Variants in WDFY2 observed in about 807,000 individuals in gnomAD.
WDFY2 encodes WD repeat and FYVE domain-containing protein 2.
WDFY2 carries 36 observed loss-of-function variants against 56.4 expected under a neutral mutation model. The ratio of observed to expected loss-of-function variants is 0.64; its 90% CI spans 0.49 to 0.84. The LOEUF is 0.84. Ranked by LOEUF, WDFY2 falls within the 40% of genes least tolerant of loss-of-function variation. The probability of loss-of-function intolerance (pLI) is 0.00; values close to 1 mark genes in which losing one functional copy is unlikely to be tolerated. For missense variants in WDFY2, 444 were observed against 512.2 expected (o/e 0.87, Z 1.29); for synonymous variants, 176 against 183.7 (o/e 0.96, Z 0.34).
chr13:51,684,831 T>G (rs1956035821), intron 3 of WDFY2, among the ~76,000 whole-genome samples: 1 of 152,142 alleles, frequency 6.6e-6, no homozygotes, highest in South Asian at 2.1e-4. Context: ...CAGGTTTACT[T>G]GGATTGTTGC....
At chr13:51,590,558 C>G in intron 1 of WDFY2, 1 of 152,160 alleles carries the variant, frequency 6.6e-6, no homozygotes, top group East Asian at 1.9e-4. Flanking sequence ...AAGACTACTG[C>G]AGGTGGTGAT....
chr13:51,643,794 C>A (rs1411456285), intron 1 of WDFY2, among the ~76,000 whole-genome samples: 2 of 151,822 alleles, frequency 1.3e-5, no homozygotes, highest in Admixed American at 6.6e-5. Flanking sequence ...TTTCTTTTTT[C>A]TTTTTTTCCC....
intron 3 of WDFY2, among the ~76,000 whole-genome samples, chr13:51,694,573 C>A (rs1434014024): frequency 6.6e-6 from 1 of 152,188 alleles, no homozygotes; most frequent in Non-Finnish European, 1.5e-5. Flanking sequence ...ATGGGCTTCC[C>A]TTTGTGGGTA....
chr13:51,649,289 G>A (rs1211567277), intron 1 of WDFY2, among the ~76,000 whole-genome samples: 4 of 152,190 alleles, frequency 2.6e-5, no homozygotes, highest in Non-Finnish European at 2.9e-5. Flanking sequence ...TAGGAGAGAG[G>A]AAGAGGCAGG....
intron 1 of WDFY2, among the ~76,000 whole-genome samples, chr13:51,652,016 C>T (rs1593936507): frequency 6.6e-6 from 1 of 152,100 alleles, no homozygotes; most frequent in African/African-American, 2.4e-5. Flanking sequence ...TTCAAGTCTC[C>T]CATTATTATT....
At chr13:51,661,926 G>C (rs1593953529) in intron 2 of WDFY2, among the ~76,000 whole-genome samples, 1 of 152,132 alleles carries the variant, frequency 6.6e-6, no homozygotes, top group East Asian at 1.9e-4. Flanking sequence ...AAATGGAAAA[G>C]TAGAGAATTC....
intron 5 of WDFY2, 52 bp downstream of exon 5, chr13:51,719,400 T>A: frequency 6.6e-7 from 1 of 1,507,534 alleles, no homozygotes; most frequent in Non-Finnish European, 8.9e-7. Flanking sequence ...TGTTGTTCTC[T>A]TTGATTCATG....
chr13:51,671,611 A>G (rs1304804203), intron 2 of WDFY2, among the ~76,000 whole-genome samples: 2 of 150,176 alleles, frequency 1.3e-5, no homozygotes, highest in African/African-American at 5.0e-5. Context: ...TCTGCATATT[A>G]GTCCTTTGTT....
In WDFY2 at chr13:51,715,502, C is replaced by CA. The variant is rs542724398; in HGVS notation, c.335-3696_335-3695insA. On this transcript the variant is annotated intron_variant, in intron 4 of 11. Coordinates refer to ENST00000298125, the MANE Select transcript of WDFY2 (RefSeq NM_052950.4). ...ACAGCTCGTCCCACTGGAAGGTCTT[C>CA]GGGGCCATAACACCCATGGACCTGT... is the stretch of plus-strand genomic sequence containing the variant. Among the ~76,000 whole-genome samples the CA allele has an allele frequency of 4.9e-3, 752 of 152,222 alleles. 4 individuals carry two copies. The highest frequency in any genetic ancestry group is 0.014 in the African/African-American group (590 of 41,528).
chr13:51,676,132 C>T (rs575337596), intron 3 of WDFY2, among the ~76,000 whole-genome samples: 5 of 152,290 alleles, frequency 3.3e-5, no homozygotes, highest in African/African-American at 1.2e-4. Flanking sequence ...CTACCAAGAC[C>T]CTGGAATTTC....
chr13:51,713,885 TC>T (rs1952283783), intron 4 of WDFY2, among the ~76,000 whole-genome samples: 1 of 150,194 alleles, frequency 6.7e-6, no homozygotes, highest in South Asian at 2.1e-4. Context: ...ACTGAAGGAT[TC>T]CCCTTATATA....
chr13:51,766,279 A>G lies in WDFY2; in HGVS notation c.*6510A>G, dbSNP rs2138839240. ...TACAAAAACCGTTACTAACTGGACA[A>G]CAGGGAAGGTGCTGGCCCCACATTA... On this transcript the variant is annotated 3_prime_UTR_variant, in exon 12 of 12. Transcript: ENST00000298125. 6.6e-6 allele frequency: 1 copy of G among 152,384 alleles called. No homozygotes were observed. The highest frequency in any genetic ancestry group is 1.5e-5 in the Non-Finnish European group (1 of 68,040). The allele number at this position is 152,384 out of a possible 1,614,324, so 9.4% of individuals were successfully genotyped here.
chr13:51,620,629 C>A (rs1954707208), intron 1 of WDFY2, among the ~76,000 whole-genome samples: 1 of 152,096 alleles, frequency 6.6e-6, no homozygotes, highest in African/African-American at 2.4e-5. Flanking sequence ...CAGGATTTTT[C>A]TGGGTCTGTG....
At chr13:51,620,024 A>G (rs1297991289) in intron 1 of WDFY2, among the ~76,000 whole-genome samples, 1 of 152,318 alleles carries the variant, frequency 6.6e-6, no homozygotes. Flanking sequence ...TTTTCTAATA[A>G]TCTGGGCTGA....
intron 1 of WDFY2, among the ~76,000 whole-genome samples, chr13:51,639,917 C>A (rs544663950): frequency 6.6e-6 from 1 of 152,152 alleles, no homozygotes; most frequent in Non-Finnish European, 1.5e-5. Flanking sequence ...GACATGAGAG[C>A]TTTTAAAAAA....
intron 6 of WDFY2, 27 bp downstream of exon 6, chr13:51,727,817 T>A (rs1482603494): frequency 6.2e-7 from 1 of 1,603,368 alleles, no homozygotes; most frequent in Admixed American, 1.7e-5. Context: ...AATCGTCATG[T>A]GCTGATAGCA....
Position 51,767,340 on chromosome 13 carries a change from G to C in WDFY2, c.*7571G>C, listed in dbSNP as rs573341510. The C allele has an allele frequency of 3.3e-5, 5 of 152,334 alleles. No homozygotes were observed. Among genetic ancestry groups the C allele is most frequent in the African/African-American group, 9.6e-5 (4 of 41,574 alleles). 9.4% of individuals were successfully genotyped at this position (152,334 alleles called of 1,614,324 possible). On this transcript the variant is annotated 3_prime_UTR_variant, in exon 12 of 12. Transcript: ENST00000298125. ...TGCTTGCTTGATAGCGCCTCCTTTT[G>C]TCAGAAAGACGCTGATGTTTCAGGC...
chr13:51,610,969 A>G (rs1254085263), intron 1 of WDFY2, among the ~76,000 whole-genome samples: 2 of 152,122 alleles, frequency 1.3e-5, no homozygotes, highest in Non-Finnish European at 2.9e-5. Context: ...TCATGATTTT[A>G]TTTTTGGGTG....
Position 51,708,706 on chromosome 13 carries a change from G to T in WDFY2, c.334+5056G>T, listed in dbSNP as rs577417915. On this transcript the variant is annotated intron_variant, in intron 4 of 11. Coordinates refer to ENST00000298125, the MANE Select transcript of WDFY2 (RefSeq NM_052950.4). Reference sequence around the variant, plus strand: ...CACATTAAAAATAAATGATCTAAAGGCAATTAAAAGGCAGTTAGTATCAGA... The same window carrying T: ...CACATTAAAAATAAATGATCTAAAGTCAATTAAAAGGCAGTTAGTATCAGA... 2.0e-5 allele frequency among the ~76,000 whole-genome samples: 3 copies of T among 151,990 alleles called. No homozygotes were observed. The South Asian group carries it at 6.2e-4, about 32-fold the overall frequency.
Sources: allele counts gnomAD v4.1 joint callset (sites outside exome capture counted in the v4.1 genomes callset), GRCh38; gene constraint gnomAD v4.1.1; transcripts MANE v1.5; gene names NCBI Gene and HGNC (gene_info 2026-07-23, HGNC 2026-07-21).